ADARB1: variants seen among roughly 807,000 people sequenced by gnomAD.
ADARB1 encodes adenosine deaminase RNA specific B1.
A neutral mutation model predicts 52.4 loss-of-function variants in ADARB1; 10 were observed. The observed-to-expected ratio is 0.19, with a 90% confidence interval of 0.12 to 0.32. The LOEUF is 0.32. Among genes scored for constraint, ADARB1 ranks in the 10% least tolerant of loss-of-function variants. The pLI is 1.00. For missense variants in ADARB1, 643 were observed against 922.3 expected (o/e 0.70, Z 3.92); for synonymous variants, 349 against 371.1 (o/e 0.94, Z 0.68).
At chr21:45,201,598 T>C (rs1352083400) in intron 8 of ADARB1, among the ~76,000 whole-genome samples, 1 of 152,204 alleles carries the variant, frequency 6.6e-6, no homozygotes, top group Non-Finnish European at 1.5e-5. Flanking sequence ...GAATGTGTCA[T>C]AGGAATTGGA....
In ADARB1 at chr21:45,111,718, A is replaced by G. The variant is rs185069085; in HGVS notation, c.-219-16684A>G. 6.6e-5 allele frequency among the ~76,000 whole-genome samples: 10 copies of G among 152,254 alleles called. No homozygotes were observed. The East Asian group carries it at 1.3e-3, about 21-fold the overall frequency. On this transcript the variant is annotated intron_variant, in intron 1 of 10. Transcript: ENST00000348831. ...CCTGTGTTGTTGCCTGTTCGTTTTTACTGCTGTACATAGTACTCTGCTGTT... is the reference window on the plus strand; with the variant it reads ...CCTGTGTTGTTGCCTGTTCGTTTTTGCTGCTGTACATAGTACTCTGCTGTT...
chr21:45,081,729 G>C lies in ADARB1; in HGVS notation c.-220+6936G>C, dbSNP rs78333841. ...TATGATGTTCTGGGAAGGCCTCTCT[G>C]AGTGCGATGTGGTACGCTGAGGCCC... On this transcript the variant is annotated intron_variant, in intron 1 of 10. Transcript: ENST00000348831. Among the ~76,000 whole-genome samples the C allele has an allele frequency of 5.3e-5, 8 of 152,304 alleles. No homozygotes were observed. The Middle Eastern group carries it at 0.01, about 194-fold the overall frequency.
intron 8 of ADARB1, among the ~76,000 whole-genome samples, chr21:45,191,868 ATATATATATATATTTTTTTTTTTTT>A (rs1338128789): frequency 2.6e-5 from 2 of 76,240 alleles, no homozygotes; most frequent in Admixed American, 1.1e-4. Context: ...ATATATATAT[ATATATATATATATTTTTTTTTTTTT>A]TTTTTTTTTT....
chr21:45,132,205 C>G (rs1276300174), intron 2 of ADARB1: 1 of 152,212 alleles, frequency 6.6e-6, no homozygotes, highest in Non-Finnish European at 1.5e-5. Context: ...GGCATGACCC[C>G]TGTCACCAGG....
intron 2 of ADARB1, among the ~76,000 whole-genome samples, chr21:45,136,690 G>T (rs1400057809): frequency 1.3e-5 from 2 of 152,258 alleles, no homozygotes; most frequent in African/African-American, 2.4e-5. Flanking sequence ...TGCTGGGAGA[G>T]CAGGGGTGTC....
intron 4 of ADARB1, chr21:45,177,254 G>A (rs1401935292): frequency 1.3e-5 from 2 of 153,176 alleles, no homozygotes; most frequent in African/African-American, 4.8e-5. Flanking sequence ...ACCTATCAGA[G>A]CGCAGGGAGG....
chr21:45,100,624 C>G (rs1326839248), intron 1 of ADARB1: 1 of 152,292 alleles, frequency 6.6e-6, no homozygotes, highest in African/African-American at 2.4e-5. Context: ...CATTGAGGCT[C>G]TTCATGGAAT....
chr21:45,187,849 C>T (rs2092158884), intron 8 of ADARB1, among the ~76,000 whole-genome samples: 2 of 152,062 alleles, frequency 1.3e-5, no homozygotes, highest in Admixed American at 6.5e-5. Flanking sequence ...CCTTGCATTC[C>T]AGGAGTATCA....
intron 2 of ADARB1, among the ~76,000 whole-genome samples, chr21:45,162,238 C>T (rs763002477): frequency 3.9e-5 from 6 of 152,182 alleles, no homozygotes; most frequent in Non-Finnish European, 5.9e-5. Context: ...TGGGCACTAC[C>T]GTATTCCCTG....
At chr21:45,122,550 C>T (rs1335810991) in intron 1 of ADARB1, among the ~76,000 whole-genome samples, 1 of 152,194 alleles carries the variant, frequency 6.6e-6, no homozygotes, top group East Asian at 1.9e-4. Context: ...CGACTAGGAG[C>T]AGTCACCCAG....
intron 1 of ADARB1, among the ~76,000 whole-genome samples, chr21:45,108,936 C>G (rs1432125479): frequency 6.6e-6 from 1 of 152,226 alleles, no homozygotes; most frequent in Non-Finnish European, 1.5e-5. Context: ...AGTTGGGTCA[C>G]TTGAGCAGGG....
In ADARB1 at chr21:45,220,926, A is replaced by G; in HGVS notation, c.1838A>G (p.Asn613Ser). ...GGCGACTCCGCTATTGAGGTCATCA[A>G]CGCCACGACTGGGAAGGATGAGCTG... ...TVGDSAIEVI[N>S]ATTGKDELGR... The change falls in exon 10 of 11, where the codon AAC becomes AGC. Residue 613 changes from asparagine (N) to serine (S), a missense_variant. Coordinates refer to ENST00000348831, the MANE Select transcript of ADARB1 (RefSeq NM_001112.4). The surrounding 1 kb of genome is among the most constrained non-coding windows in gnomAD (Gnocchi z 6.3). 4 of 1,613,456 alleles carry G rather than the reference A, an allele frequency of 2.5e-6. No homozygotes were observed. The highest frequency in any genetic ancestry group is 2.5e-6 in the Non-Finnish European group (3 of 1,180,036).
chr21:45,076,122 C>T (rs2085924546), intron 1 of ADARB1, among the ~76,000 whole-genome samples: 1 of 152,140 alleles, frequency 6.6e-6, no homozygotes, highest in Admixed American at 6.5e-5. Flanking sequence ...TTTTGATGAC[C>T]ATCTTTTCCT....
intron 1 of ADARB1, among the ~76,000 whole-genome samples, chr21:45,095,949 C>G (rs532532749): frequency 6.6e-5 from 10 of 152,314 alleles, no homozygotes; most frequent in African/African-American, 2.4e-4. Context: ...TTAGCACCCA[C>G]TTTTTACCCT....
intron 2 of ADARB1, chr21:45,152,677 AAGG>A (rs2090357097): frequency 2.2e-6 from 1 of 449,976 alleles, no homozygotes; most frequent in South Asian, 1.6e-5. Context: ...GTCGGTATAA[AAGG>A]AGGCGCAAGA....
chr21:45,207,705 A>G (rs1288562292), intron 9 of ADARB1, among the ~76,000 whole-genome samples: 3 of 152,202 alleles, frequency 2.0e-5, no homozygotes, highest in Admixed American at 1.3e-4. Context: ...TGTTTGTTAC[A>G]CTTTGTCACC....
intron 1 of ADARB1, among the ~76,000 whole-genome samples, chr21:45,093,753 C>T (rs574648871): frequency 8.5e-5 from 13 of 152,238 alleles, no homozygotes; most frequent in South Asian, 4.1e-4. Context: ...CTGATGCTTC[C>T]GGCCAAGGGC....
intron 1 of ADARB1, among the ~76,000 whole-genome samples, chr21:45,078,143 A>G (rs895846235): frequency 3.9e-5 from 6 of 152,202 alleles, no homozygotes; most frequent in Non-Finnish European, 8.8e-5. Flanking sequence ...CACAAAGAAA[A>G]GTGACTTTGG....
rs143603794 is a variant in ADARB1, at chr21:45,075,332, C to T, written c.-220+539C>T. Among the ~76,000 whole-genome samples the T allele has an allele frequency of 2.7e-3, 407 of 150,988 alleles. 2 individuals carry two copies. Among genetic ancestry groups the T allele is most frequent in the Non-Finnish European group, 4.4e-3 (300 of 67,696 alleles). ...CTCCGCCCGGCATGGGACGCTGCGC[C>T]GGGGGACGGCAGGCTGCGCCCGGGA... is the stretch of plus-strand genomic sequence containing the variant. On this transcript the variant is annotated intron_variant, in intron 1 of 10. Coordinates refer to ENST00000348831, the MANE Select transcript of ADARB1 (RefSeq NM_001112.4).
Sources: allele counts gnomAD v4.1 joint callset (sites outside exome capture counted in the v4.1 genomes callset), GRCh38; gene constraint gnomAD v4.1.1; non-coding constraint Gnocchi (gnomAD v3.1); transcripts MANE v1.5; gene names NCBI Gene and HGNC (gene_info 2026-07-23, HGNC 2026-07-21).